RPS6KA6: variants seen among roughly 807,000 people sequenced by gnomAD.
The protein encoded by RPS6KA6 is ribosomal protein S6 kinase A6, also known as ribosomal protein S6 kinase alpha-6.
In RPS6KA6, 27 loss-of-function variants were observed where a neutral mutation model predicts 65.4. The observed-to-expected ratio is 0.41, with a 90% CI of 0.30 to 0.57. The LOEUF (loss-of-function observed/expected upper bound fraction) is 0.57. RPS6KA6 is among the 20% of genes least tolerant of loss of function. The pLI, the probability that RPS6KA6 is intolerant of heterozygous loss-of-function variation, is 0.24. For synonymous variants in RPS6KA6, 190 were observed against 184.2 expected (o/e 1.03, Z -0.26); for missense variants, 486 against 555.6 (o/e 0.87, Z 1.26).
intron 3 of RPS6KA6, among the ~76,000 whole-genome samples, chrX:84,148,387 AT>A (rs1362568059): frequency 3.6e-5 from 4 of 111,327 alleles, no homozygotes; most frequent in South Asian, 3.7e-4. Context: ...ATTTAAAAAA[AT>A]AAATGAAAAA....
chrX:84,089,308 T>C (rs2033995349), intron 20 of RPS6KA6, among the ~76,000 whole-genome samples: 1 of 111,964 alleles, frequency 8.9e-6, no homozygotes, highest in Non-Finnish European at 1.9e-5. Flanking sequence ...ACTTGGTCCA[T>C]CTCAGACCAT....
intron 8 of RPS6KA6, among the ~76,000 whole-genome samples, chrX:84,133,838 T>C (rs751717326): frequency 1.8e-5 from 2 of 111,915 alleles, no homozygotes; most frequent in South Asian, 3.7e-4. Context: ...CTTTTGTACA[T>C]GAAAAAGATA....
At chrX:84,125,268 G>A (rs1432980805) in intron 8 of RPS6KA6, among the ~76,000 whole-genome samples, 1 of 111,869 alleles carries the variant, frequency 8.9e-6, no homozygotes, top group Admixed American at 9.5e-5. Context: ...TTATTATGCT[G>A]TCATTGTGGG....
chrX:84,066,491 G>C (rs1158323197), intron 20 of RPS6KA6, among the ~76,000 whole-genome samples: 3 of 110,623 alleles, frequency 2.7e-5, no homozygotes, highest in Non-Finnish European at 5.7e-5. Context: ...CAATGCTAAG[G>C]GGGCCGGGAG....
At chrX:84,102,330 G>T in intron 17 of RPS6KA6, 132 bp from the exon 18 acceptor site, 1 of 349,392 alleles carries the variant, frequency 2.9e-6, no homozygotes, top group Admixed American at 6.0e-5. Context: ...TTTTGAAAAT[G>T]ACATTTTGCT....
rs907583375 is a variant in RPS6KA6 at position 84,060,738 on chromosome X, G to A, written c.*3539C>T. ...AGTTTATTAGATACTCTGACCCTGG[G>A]ACACACTGTTCCTTTCCCCCAAAAT... On this transcript the variant is annotated 3_prime_UTR_variant, in exon 22 of 22. Transcript: ENST00000262752. 9.0e-6 allele frequency: 1 copy of A among 111,184 alleles called. No homozygotes were observed. Among genetic ancestry groups the A allele is most frequent in the Non-Finnish European group, 1.9e-5 (1 of 52,975 alleles). The allele number at this position is 111,184 out of a possible 1,213,427, so 9.2% of individuals were successfully genotyped here.
rs1335002566 is a variant in RPS6KA6 at position 84,106,933 on chromosome X, C to T, written c.1219G>A (p.Ala407Thr). 3 of 1,184,043 alleles carry T rather than the reference C, an allele frequency of 2.5e-6. No individual in the cohort carries two copies. The African/African-American group carries it at 5.3e-5, about 21-fold the overall frequency. The change falls in exon 14 of 22, where the codon GCA (alanine) becomes ACA (threonine). Residue 407 changes from alanine (A) to threonine (T), a missense_variant. By Grantham distance (58) the Ala-to-Thr change is moderately conservative. Around this residue, in one of 3 missense-constraint regions of RPS6KA6, gnomAD observed 345 missense variants for 375.0 expected, o/e 0.92. Coordinates refer to ENST00000262752, the MANE Select transcript of RPS6KA6 (RefSeq NM_014496.5). ...ACCTGAACAATTGGTAATACATTTG[C>T]ACTTGTGATAGGAGTGATTTTATAT... ...EEYKITPITS[A>T]NVLPIVQING... is the part of the protein sequence containing the mutation.
chrX:84,172,714 C>T (rs1018973112), intron 1 of RPS6KA6, among the ~76,000 whole-genome samples: 1 of 111,528 alleles, frequency 9.0e-6, no homozygotes, highest in Non-Finnish European at 1.9e-5. Flanking sequence ...TAGAAGCAAC[C>T]CAAGTATTTA....
chrX:84,142,496 G>T (rs758638082), intron 6 of RPS6KA6, among the ~76,000 whole-genome samples: 2 of 111,179 alleles, frequency 1.8e-5, no homozygotes, highest in East Asian at 2.8e-4. Context: ...CAGTAAAAAA[G>T]ATTAAAGCAG....
At chrX:84,114,764 T>C (rs1018374583) in intron 12 of RPS6KA6, among the ~76,000 whole-genome samples, 2 of 111,548 alleles carry the variant, frequency 1.8e-5, no homozygotes, top group African/African-American at 3.3e-5. Flanking sequence ...AATAGACACA[T>C]AGATCAATGG....
At chrX:84,120,184 C>A (rs1273193917) in intron 8 of RPS6KA6, among the ~76,000 whole-genome samples, 157 bp from the exon 9 acceptor site, 1 of 111,307 alleles carries the variant, frequency 9.0e-6, no homozygotes, top group Admixed American at 9.6e-5. Context: ...GAGAAAGCAG[C>A]CTGTATTTCA....
At chrX:84,160,748 T>G (rs1341853408) in intron 2 of RPS6KA6, among the ~76,000 whole-genome samples, 1 of 110,970 alleles carries the variant, frequency 9.0e-6, no homozygotes, top group Admixed American at 9.6e-5. Flanking sequence ...CGATATACCC[T>G]TCTCATTCAG....
Position 84,104,518 on chromosome X carries a change from T to C in RPS6KA6, c.1595A>G (p.Asp532Gly). The C allele has an allele frequency of 8.7e-7, 1 of 1,148,282 alleles. No individual in the cohort carries two copies. The highest frequency in any genetic ancestry group is 1.2e-6 in the Non-Finnish European group (1 of 864,723). The allele number at this position is 1,148,282 out of a possible 1,213,427, so 94.6% of individuals were successfully genotyped here. ...ACTTACTCCTTGACAATGAAGATAG[T>C]CAACTGTCTTACTTATTACATATAG... ...DILYVISKTV[D>G]YLHCQGVVHR... The change falls in exon 17 of 22, where the codon GAC becomes GGC. Residue 532 changes from aspartate (D) to glycine (G), a missense_variant. Asp to Gly is a moderately conservative substitution (Grantham distance 94). Coordinates refer to ENST00000262752, the MANE Select transcript of RPS6KA6 (RefSeq NM_014496.5).
chrX:84,106,309 C>T lies in RPS6KA6; in HGVS notation c.1365+56G>A. 7.3e-6 allele frequency: 8 copies of T among 1,090,730 alleles called. No individual in the cohort carries two copies. In the South Asian group the frequency reaches 1.6e-4, roughly 22 times the overall value. 89.9% of individuals were successfully genotyped at this position (1,090,730 alleles called of 1,213,427 possible). On this transcript the variant is annotated intron_variant, in intron 15 of 21. Transcript: ENST00000262752. Reference sequence around the variant, plus strand: ...CACTGAAAATGTTTGTCAGTTGACTCATAATTTAAATTACATGCATAAAAC... The same window carrying T: ...CACTGAAAATGTTTGTCAGTTGACTTATAATTTAAATTACATGCATAAAAC...
chrX:84,127,523 C>A (rs770164767), intron 8 of RPS6KA6, among the ~76,000 whole-genome samples: 59 of 111,236 alleles, frequency 5.3e-4, no homozygotes, highest in Middle Eastern at 4.6e-3. Flanking sequence ...CAACAAAAAA[C>A]TACAGGCCAA....
chrX:84,114,042 G>A (rs751290284), intron 12 of RPS6KA6, among the ~76,000 whole-genome samples: 13 of 111,449 alleles, frequency 1.2e-4, no homozygotes, highest in African/African-American at 2.3e-4. Context: ...AACAACAGCC[G>A]CAAAAAGTAA....
At chrX:84,117,676 G>T (rs2034595270) in intron 9 of RPS6KA6, among the ~76,000 whole-genome samples, 1 of 111,084 alleles carries the variant, frequency 9.0e-6, no homozygotes, top group Non-Finnish European at 1.9e-5. Flanking sequence ...GTGACCTGTA[G>T]CAGATGAAAC....
chrX:84,150,168 A>G (rs1270594292), intron 3 of RPS6KA6, among the ~76,000 whole-genome samples: 1 of 112,021 alleles, frequency 8.9e-6, no homozygotes, highest in Non-Finnish European at 1.9e-5. Context: ...ACAGAATTAA[A>G]GAGAGCTAGG....
chrX:84,087,655 A>G (rs1197158515), intron 20 of RPS6KA6, among the ~76,000 whole-genome samples: 1 of 110,905 alleles, frequency 9.0e-6, no homozygotes, highest in Non-Finnish European at 1.9e-5. Context: ...CTTCTGGTGG[A>G]GTATCTTACT....
Sources: gnomAD v4.1 joint callset for allele counts (sites outside exome capture counted in the v4.1 genomes callset) on GRCh38, gnomAD v4.1.1 for gene constraint, gnomAD v4.1.1 regional missense constraint, MANE v1.5 for transcripts, NCBI Gene and HGNC (gene_info 2026-07-23, HGNC 2026-07-21) for gene names.